HHAT: variants seen among roughly 807,000 people sequenced by gnomAD.
HHAT encodes hedgehog acyltransferase, also known as protein-cysteine N-palmitoyltransferase HHAT.
A neutral mutation model predicts 70.8 loss-of-function variants in HHAT; 47 were observed. That is an observed-to-expected ratio of 0.66 (90% confidence interval 0.53 to 0.85). HHAT has a LOEUF of 0.85. HHAT is among the 40% of genes least tolerant of loss of function. The pLI, the probability that HHAT is intolerant of heterozygous loss-of-function variation, is 0.00. For synonymous variants in HHAT, 228 were observed against 247.6 expected (o/e 0.92, Z 0.74); for missense variants, 609 against 604.8 (o/e 1.01, Z -0.07).
intron 7 of HHAT, among the ~76,000 whole-genome samples, chr1:210,445,273 C>A (rs1051616497): frequency 2.0e-5 from 3 of 152,144 alleles, no homozygotes; most frequent in African/African-American, 7.2e-5. Flanking sequence ...GCATTTTGTC[C>A]AGATAATCTA....
At chr1:210,457,148 A>C (rs572902141) in intron 7 of HHAT, among the ~76,000 whole-genome samples, 5 of 152,264 alleles carry the variant, frequency 3.3e-5, no homozygotes, top group Admixed American at 2.0e-4. Flanking sequence ...ACCTCAGGAC[A>C]TTAGTTTCTC....
intron 6 of HHAT, among the ~76,000 whole-genome samples, chr1:210,405,185 C>T (rs182976899): frequency 6.6e-6 from 1 of 152,188 alleles, no homozygotes; most frequent in African/African-American, 2.4e-5. Context: ...GAAGTAAGTT[C>T]GAAGGCAGTG....
At chr1:210,643,256 A>G (rs1673330344) in intron 11 of HHAT, among the ~76,000 whole-genome samples, 1 of 152,204 alleles carries the variant, frequency 6.6e-6, no homozygotes, top group African/African-American at 2.4e-5. Flanking sequence ...TCTTGGATAC[A>G]CTTAAATTTT....
intron 10 of HHAT, among the ~76,000 whole-genome samples, chr1:210,612,450 C>T (rs2148846618): frequency 6.6e-6 from 1 of 152,266 alleles, no homozygotes; most frequent in Non-Finnish European, 1.5e-5. Flanking sequence ...ATAATGTCTT[C>T]AGAGTTCATT....
At chr1:210,335,743 A>G (rs1321015430) in intron 1 of HHAT, among the ~76,000 whole-genome samples, 9 of 152,226 alleles carry the variant, frequency 5.9e-5, no homozygotes, top group Admixed American at 2.0e-4. Context: ...AATCTAGATC[A>G]TGTACCTCAT....
intron 11 of HHAT, among the ~76,000 whole-genome samples, chr1:210,625,767 G>A (rs1416667080): frequency 6.6e-6 from 1 of 152,252 alleles, no homozygotes; most frequent in East Asian, 1.9e-4. Context: ...TTTCTAAGCA[G>A]TGACTCCAGG....
intron 1 of HHAT, among the ~76,000 whole-genome samples, chr1:210,333,846 A>G (rs904304481): frequency 2.0e-5 from 3 of 152,052 alleles, no homozygotes; most frequent in Non-Finnish European, 4.4e-5. Context: ...TAGTAGAGAC[A>G]GGGTTTTGCC....
chr1:210,588,512 C>G (rs1660990000), intron 10 of HHAT: 1 of 158,396 alleles, frequency 6.3e-6, no homozygotes, highest in African/African-American at 2.4e-5. Flanking sequence ...GAGTCCATAC[C>G]TAACCACCCT....
chr1:210,660,174 T>C lies in HHAT; in HGVS notation c.1391-14114T>C, dbSNP rs138078039. Among the ~76,000 whole-genome samples, 578 of 152,332 alleles carry C rather than the reference T, an allele frequency of 3.8e-3. 3 individuals are homozygous for C. The highest frequency in any genetic ancestry group is 0.024 in the Middle Eastern group (7 of 294). On this transcript the variant is annotated intron_variant, in intron 11 of 11. Transcript: ENST00000261458. Reference sequence around the variant, plus strand: ...TGTATATTTAGAAAACCCCATTGTCTCAGCCGAAAATCTCCTTAAGCTGAT... The same window carrying C: ...TGTATATTTAGAAAACCCCATTGTCCCAGCCGAAAATCTCCTTAAGCTGAT...
intron 6 of HHAT, among the ~76,000 whole-genome samples, chr1:210,413,981 C>T (rs1279499030): frequency 6.6e-6 from 1 of 152,180 alleles, no homozygotes; most frequent in Admixed American, 6.5e-5. Flanking sequence ...CAGCAGCACT[C>T]CCACTCTTGG....
At chr1:210,608,367 TAGTA>T (rs1456151935) in intron 10 of HHAT, among the ~76,000 whole-genome samples, 1 of 152,218 alleles carries the variant, frequency 6.6e-6, no homozygotes, top group East Asian at 1.9e-4. Flanking sequence ...CTTTAATATA[TAGTA>T]AGTATCAAAA....
At chr1:210,673,183 A>G (rs952058320) in intron 11 of HHAT, among the ~76,000 whole-genome samples, 3 of 152,100 alleles carry the variant, frequency 2.0e-5, no homozygotes, top group African/African-American at 7.2e-5. Flanking sequence ...CTCATTGCCA[A>G]GGACAAGCCA....
At chr1:210,449,618 G>A (rs3765841) in intron 7 of HHAT, among the ~76,000 whole-genome samples, 88,027 of 151,994 alleles carry the variant, frequency 0.58, 25,769 homozygotes, top group South Asian at 0.68. Context: ...CTCCTTCATG[G>A]CTGTAATGAA....
chr1:210,656,232 C>T (rs1199656233), intron 11 of HHAT, among the ~76,000 whole-genome samples: 1 of 152,118 alleles, frequency 6.6e-6, no homozygotes, highest in East Asian at 1.9e-4. Flanking sequence ...TCTTCATGTC[C>T]CCATGTGGAG....
At chr1:210,597,084 A>G (rs945289380) in intron 10 of HHAT, among the ~76,000 whole-genome samples, 2 of 152,238 alleles carry the variant, frequency 1.3e-5, no homozygotes, top group African/African-American at 2.4e-5. Context: ...TTGCAGACTC[A>G]TAGAAGTACT....
intron 6 of HHAT, among the ~76,000 whole-genome samples, chr1:210,410,057 ATT>A (rs111584710): frequency 6.9e-5 from 10 of 145,786 alleles, no homozygotes; most frequent in South Asian, 2.2e-4. Flanking sequence ...CAAATTTTGG[ATT>A]TTTTTTTTTT....
intron 9 of HHAT, among the ~76,000 whole-genome samples, chr1:210,580,615 T>A (rs1482652053): frequency 2.6e-5 from 4 of 151,762 alleles, no homozygotes; most frequent in Non-Finnish European, 5.9e-5. Flanking sequence ...CTGTGTTAGT[T>A]TGCTGAGGAT....
intron 10 of HHAT, among the ~76,000 whole-genome samples, chr1:210,599,516 A>G (rs888094825): frequency 5.3e-5 from 8 of 152,122 alleles, no homozygotes; most frequent in African/African-American, 1.9e-4. Flanking sequence ...TGACACCACC[A>G]TCTATCTAGC....
intron 9 of HHAT, 132 bp downstream of exon 9, chr1:210,513,320 T>G: frequency 1.9e-6 from 1 of 533,114 alleles, no homozygotes; most frequent in Non-Finnish European, 3.3e-6. Flanking sequence ...AAAACATTGC[T>G]AACACTATGG....
Sources: allele counts gnomAD v4.1 joint callset (sites outside exome capture counted in the v4.1 genomes callset), GRCh38; gene constraint gnomAD v4.1.1; transcripts MANE v1.5; gene names NCBI Gene and HGNC (gene_info 2026-07-23, HGNC 2026-07-21).